Variants in SNX13 observed in about 807,000 individuals in gnomAD.
SNX13 encodes sorting nexin-13.
Under a neutral mutation model 133.6 loss-of-function variants are expected in SNX13, and 45 were observed. The ratio of observed to expected loss-of-function variants is 0.34; its 90% CI spans 0.27 to 0.43. The LOEUF (loss-of-function observed/expected upper bound fraction) is 0.43. Ranked by LOEUF, SNX13 falls within the 20% of genes least tolerant of loss-of-function variation. The pLI is 1.00. For missense variants in SNX13, 1,032 were observed against 1,145.1 expected, an observed-to-expected ratio of 0.90 and a Z score of 1.43; for synonymous variants, 414 against 373.9, an observed-to-expected ratio of 1.11 and a Z score of -1.24.
In SNX13 at chr7:17,794,079, T is replaced by C; in HGVS notation, c.2840A>G (p.Gln947Arg). ...CTGCAAAGAAGGCGCTTGAGTAGTT[T>C]GAAGTTTCTGTTTATATTTCTGCAT... ...KQMQKYKQKL[Q>R]TTQAPSLQKR Residue 947 changes from glutamine (Q) to arginine (R), a missense_variant, in exon 26 of 26, where the codon CAA becomes CGA. Coordinates refer to ENST00000428135, the MANE Select transcript of SNX13 (RefSeq NM_015132.5). The C allele has an allele frequency of 1.2e-6, 2 of 1,611,594 alleles. No individual in the cohort carries two copies. Among genetic ancestry groups the C allele is most frequent in the Non-Finnish European group, 1.7e-6 (2 of 1,178,280 alleles).
At position 17,821,493 on chromosome 7, in the gene SNX13, T is replaced by G; in HGVS notation, c.1845+16A>C. ...AGAAACAACATAAAGTACACAAGTT[T>G]TTAAAACTTCATTACCTGTTCAGTG... On this transcript the variant is annotated intron_variant, in intron 18 of 25. Transcript: ENST00000428135. 2 of 1,594,654 alleles carry G rather than the reference T, an allele frequency of 1.3e-6. No homozygotes were observed. Among genetic ancestry groups the G allele is most frequent in the Non-Finnish European group, 1.7e-6 (2 of 1,168,820 alleles).
At chr7:17,880,987 T>C (rs1249174146) in intron 5 of SNX13, 1 of 152,020 alleles carries the variant, frequency 6.6e-6, no homozygotes, top group African/African-American at 2.4e-5. Flanking sequence ...GAGAGGGTGA[T>C]CGCTTGGCAG....
chr7:17,877,214 G>A (rs1025146319), intron 5 of SNX13, among the ~76,000 whole-genome samples: 1 of 151,876 alleles, frequency 6.6e-6, no homozygotes, highest in African/African-American at 2.4e-5. Flanking sequence ...ACATAAAAAG[G>A]TGGATCCCTA....
chr7:17,806,945 C>A (rs923771032), intron 20 of SNX13, among the ~76,000 whole-genome samples: 2 of 152,240 alleles, frequency 1.3e-5, no homozygotes, highest in Non-Finnish European at 2.9e-5. Context: ...GCTTTTCCCA[C>A]AGTCTTTGCA....
Position 17,834,699 on chromosome 7 carries a change from C to T in SNX13, c.1464+62G>A, listed in dbSNP as rs1583413247. The T allele has an allele frequency of 3.6e-6, 4 of 1,107,410 alleles. No individual in the cohort carries two copies. In the Middle Eastern group the frequency reaches 6.7e-4, roughly 187 times the overall value. The allele number at this position is 1,107,410 out of a possible 1,614,324, so 68.6% of individuals were successfully genotyped here. On this transcript the variant is annotated intron_variant, in intron 14 of 25. Transcript: ENST00000428135. ...TTAGAAAGTTTTTAAAAACTAATTA[C>T]ATTACATAAAAGTATTTTTTCTCAA...
At chr7:17,857,292 T>A (rs1027549474) in intron 9 of SNX13, among the ~76,000 whole-genome samples, 1 of 152,188 alleles carries the variant, frequency 6.6e-6, no homozygotes, top group African/African-American at 2.4e-5. Flanking sequence ...TCAGTGCTGC[T>A]AAATTCTACC....
At chr7:17,926,190 T>C (rs1800735779) in intron 1 of SNX13, among the ~76,000 whole-genome samples, 1 of 152,184 alleles carries the variant, frequency 6.6e-6, no homozygotes, top group South Asian at 2.1e-4. Context: ...ATGACAGTTT[T>C]AACAAATCTA....
chr7:17,860,715 T>C (rs921624996), intron 9 of SNX13, among the ~76,000 whole-genome samples: 3 of 152,202 alleles, frequency 2.0e-5, no homozygotes, highest in African/African-American at 4.8e-5. Context: ...GCTGAAGAGA[T>C]TATTCTTTCC....
chr7:17,831,096 C>G, intron 15 of SNX13: 1 of 984,364 alleles, frequency 1.0e-6, no homozygotes, highest in Non-Finnish European at 1.2e-6. Context: ...GTGCCCACCT[C>G]TTAAATCTTC....
At chr7:17,868,590 T>C in intron 8 of SNX13, 100 bp from the exon 9 acceptor site, 1 of 844,246 alleles carries the variant, frequency 1.2e-6, no homozygotes, top group Non-Finnish European at 1.8e-6. Flanking sequence ...AAGAAAAGTA[T>C]GATATACATG....
chr7:17,848,254 C>T (rs1317198381), intron 11 of SNX13, among the ~76,000 whole-genome samples: 1 of 152,236 alleles, frequency 6.6e-6, no homozygotes, highest in Non-Finnish European at 1.5e-5. Flanking sequence ...TACCTACCCG[C>T]CCCATTCCCC....
intron 7 of SNX13, among the ~76,000 whole-genome samples, 174 bp from the exon 8 acceptor site, chr7:17,873,790 A>G (rs1794387149): frequency 6.6e-6 from 1 of 152,176 alleles, no homozygotes; most frequent in Admixed American, 6.5e-5. Flanking sequence ...TTATTCTCCA[A>G]GTAGTAACTA....
chr7:17,851,737 G>A (rs974019326), intron 9 of SNX13, among the ~76,000 whole-genome samples: 2 of 151,798 alleles, frequency 1.3e-5, no homozygotes, highest in Non-Finnish European at 2.9e-5. Context: ...GCGGGGAGTC[G>A]GGGAGGCAAA....
chr7:17,874,314 T>C (rs1015794262), intron 7 of SNX13, among the ~76,000 whole-genome samples: 19 of 152,200 alleles, frequency 1.2e-4, no homozygotes, highest in African/African-American at 4.1e-4. Flanking sequence ...AGGTATGCCA[T>C]GAATGCATAA....
chr7:17,796,070 G>C (rs1481775030), intron 25 of SNX13: 1 of 151,618 alleles, frequency 6.6e-6, no homozygotes, highest in Non-Finnish European at 1.5e-5. Flanking sequence ...TTAAAATACA[G>C]AGAAAAGACA....
chr7:17,831,875 G>A (rs1788531501), intron 15 of SNX13: 1 of 984,050 alleles, frequency 1.0e-6, no homozygotes, highest in South Asian at 4.7e-5. Context: ...GTAAACCAGT[G>A]GCCTAAAACC....
Position 17,893,556 on chromosome 7 carries a change from G to A in SNX13, c.126-122C>T, listed in dbSNP as rs936708608. 12 of 636,862 alleles carry A rather than the reference G, an allele frequency of 1.9e-5. No homozygotes were observed. The Admixed American group carries it at 2.8e-4, about 15-fold the overall frequency. The allele number at this position is 636,862 out of a possible 1,614,324, so 39.5% of individuals were successfully genotyped here. On this transcript the variant is annotated intron_variant, in intron 2 of 25. Transcript: ENST00000428135. ...TTATCATTTACTAAAAAGTCAATTT[G>A]TGACTTTGGCAAAGCAAGAAATTGA... is the stretch of plus-strand genomic sequence containing the variant.
At chr7:17,825,633 T>C (rs1787824597) in intron 17 of SNX13, among the ~76,000 whole-genome samples, 1 of 152,262 alleles carries the variant, frequency 6.6e-6, no homozygotes, top group African/African-American at 2.4e-5. Flanking sequence ...GGGGCTTCAT[T>C]TACCCCAGTT....
chr7:17,795,068 C>CAAAGCA (rs1311114697), intron 25 of SNX13: 1 of 151,472 alleles, frequency 6.6e-6, no homozygotes, highest in Non-Finnish European at 1.5e-5. Flanking sequence ...ACTAGAATAA[C>CAAAGCA]AAAGCATGCT....
Sources: gnomAD v4.1 joint callset for allele counts (sites outside exome capture counted in the v4.1 genomes callset) on GRCh38, gnomAD v4.1.1 for gene constraint, MANE v1.5 for transcripts, NCBI Gene and HGNC (gene_info 2026-07-23, HGNC 2026-07-21) for gene names.